XPR1: variants seen among roughly 807,000 people sequenced by gnomAD.
XPR1 encodes solute carrier family 53 member 1.
Under a neutral mutation model 87.5 loss-of-function variants are expected in XPR1, and 28 were observed. That is an observed-to-expected ratio of 0.32 (90% CI 0.24 to 0.44). The LOEUF is 0.44. Ranked by LOEUF, XPR1 falls within the 20% of genes least tolerant of loss-of-function variation. The pLI is 1.00. For synonymous variants in XPR1, 300 were observed against 306.1 expected (o/e 0.98, Z 0.21); for missense variants, 559 against 862.3 (o/e 0.65, Z 4.41).
At chr1:180,755,404 C>A (rs1647693152) in intron 2 of XPR1, among the ~76,000 whole-genome samples, 1 of 152,204 alleles carries the variant, frequency 6.6e-6, no homozygotes, top group Non-Finnish European at 1.5e-5. Flanking sequence ...TAGGTGAACT[C>A]AGGATACTGT....
At chr1:180,728,311 G>GGGAA (rs1557977372) in intron 2 of XPR1, among the ~76,000 whole-genome samples, 16 of 140,468 alleles carry the variant, frequency 1.1e-4, no homozygotes, top group African/African-American at 4.1e-4. Flanking sequence ...GGGGGGGGTA[G>GGGAA]TAATGAAAAC....
chr1:180,681,526 G>A (rs1377705215), intron 1 of XPR1, among the ~76,000 whole-genome samples: 1 of 152,124 alleles, frequency 6.6e-6, no homozygotes, highest in African/African-American at 2.4e-5. Flanking sequence ...GGCGCCTGTA[G>A]TCCCAGCTAC....
At chr1:180,853,811 G>GTTTTTTTTTTTTTTTTTTTTT (rs1651950359) in intron 11 of XPR1, among the ~76,000 whole-genome samples, 1 of 45,880 alleles carries the variant, frequency 2.2e-5, no homozygotes. Flanking sequence ...TTTTTTTTTT[G>GTTTTTTTTTTTTTTTTTTTTT]TATTTTGTTG....
At chr1:180,764,098 A>G (rs1234986459) in intron 2 of XPR1, among the ~76,000 whole-genome samples, 3 of 152,222 alleles carry the variant, frequency 2.0e-5, no homozygotes, top group African/African-American at 7.2e-5. Flanking sequence ...ATTATAGTGT[A>G]TAAATTCAAA....
At chr1:180,784,985 T>C (rs1649079673) in intron 2 of XPR1, among the ~76,000 whole-genome samples, 1 of 121,440 alleles carries the variant, frequency 8.2e-6, no homozygotes, top group South Asian at 2.7e-4. Context: ...TTTTTTCGCC[T>C]GTTAGTTTTT....
At chr1:180,863,559 T>G in intron 11 of XPR1, 149 bp from the exon 12 acceptor site, 1 of 562,532 alleles carries the variant, frequency 1.8e-6, no homozygotes, top group Non-Finnish European at 2.8e-6. Context: ...TATTTAACCT[T>G]TGTTAGACAG....
At chr1:180,702,357 C>T (rs576305192) in intron 2 of XPR1, among the ~76,000 whole-genome samples, 1 of 143,692 alleles carries the variant, frequency 7.0e-6, no homozygotes, top group Non-Finnish European at 1.5e-5. Context: ...TTACTTCCAA[C>T]TATGTGGTCA....
intron 2 of XPR1, among the ~76,000 whole-genome samples, chr1:180,764,898 G>C (rs990265967): frequency 6.7e-6 from 1 of 148,906 alleles, no homozygotes; most frequent in African/African-American, 2.5e-5. Flanking sequence ...CCATTCTCCT[G>C]CCTCAGCCTC....
Position 180,798,725 on chromosome 1 carries a change from T to C in XPR1, c.224-4663T>C, listed in dbSNP as rs980842517. 9.2e-5 allele frequency among the ~76,000 whole-genome samples: 14 copies of C among 152,188 alleles called. 1 individual carries two copies. The highest frequency in any genetic ancestry group is 3.4e-4 in the African/African-American group (14 of 41,442). On this transcript the variant is annotated intron_variant, in intron 3 of 14. Transcript: ENST00000367590. ...ACCTCCTGAGTTCAAGTGAATCTCA[T>C]GCCTCAGCCTTCTGAGCACCTGGAA... is the stretch of plus-strand genomic sequence containing the variant.
chr1:180,792,443 A>G lies in XPR1; in HGVS notation c.223+4589A>G, dbSNP rs551308958. ...CTGTTTAACCTTCCTAGGCTTCCAC[A>G]CACTTGCTTATAAAACAAACAGATT... On this transcript the variant is annotated intron_variant, in intron 3 of 14. Transcript: ENST00000367590. 7.9e-5 allele frequency among the ~76,000 whole-genome samples: 12 copies of G among 152,280 alleles called. No homozygotes were observed. In the East Asian group the frequency reaches 2.3e-3, roughly 29 times the overall value.
chr1:180,637,463 G>A (rs6700702), intron 1 of XPR1, among the ~76,000 whole-genome samples: 5,989 of 152,260 alleles, frequency 0.039, 275 homozygotes, highest in African/African-American at 0.11. Context: ...TCTAGTACTA[G>A]CTTTTTGGCA....
At chr1:180,712,993 T>G (rs1356095241) in intron 2 of XPR1, among the ~76,000 whole-genome samples, 2 of 151,402 alleles carry the variant, frequency 1.3e-5, no homozygotes, top group African/African-American at 4.8e-5. Context: ...CTTTGCATTT[T>G]CTTATGTATT....
chr1:180,838,250 T>C (rs1651375596), intron 11 of XPR1, among the ~76,000 whole-genome samples: 1 of 152,172 alleles, frequency 6.6e-6, no homozygotes. Flanking sequence ...TCCTGTTCAT[T>C]AAGTGGAAGT....
chr1:180,853,652 CA>C lies in XPR1; in HGVS notation c.1502-10055del, dbSNP rs1432485252. Among the ~76,000 whole-genome samples the C allele has an allele frequency of 4.6e-5, 7 of 151,704 alleles. 1 individual carries two copies. The South Asian group carries it at 1.5e-3, about 32-fold the overall frequency. The stretch of plus-strand genomic sequence containing the variant: ...ACACACACACACACACACACACACA[CA>C]CACACACACACACACCCTACCTCTT... On this transcript the variant is annotated intron_variant, in intron 11 of 14. Transcript: ENST00000367590.
At chr1:180,643,540 G>A (rs1655022396) in intron 1 of XPR1, among the ~76,000 whole-genome samples, 1 of 152,170 alleles carries the variant, frequency 6.6e-6, no homozygotes, top group Non-Finnish European at 1.5e-5. Context: ...GTCACATTTA[G>A]CAACTCACAT....
intron 9 of XPR1, among the ~76,000 whole-genome samples, chr1:180,829,943 C>T (rs967313057): frequency 1.8e-4 from 28 of 151,774 alleles, no homozygotes; most frequent in African/African-American, 6.8e-4. Context: ...CTGAATTAGC[C>T]AGGTTTTGAG....
In XPR1 at chr1:180,884,775, G is replaced by A. The variant is rs902679308; in HGVS notation, c.*709G>A. On this transcript the variant is annotated 3_prime_UTR_variant, in exon 15 of 15. Coordinates refer to ENST00000367590, the MANE Select transcript of XPR1 (RefSeq NM_004736.4). ...GTAAAAGAAGGCAGGGGAAACTTAC[G>A]TTGGATGACATTTATGAGGGTCAGT... 2.6e-5 allele frequency: 4 copies of A among 152,594 alleles called. No individual in the cohort carries two copies. The highest frequency in any genetic ancestry group is 4.1e-4 in the South Asian group (2 of 4,832). 9.5% of individuals were successfully genotyped at this position (152,594 alleles called of 1,614,324 possible).
At chr1:180,805,911 T>G in intron 4 of XPR1, 151 bp from the exon 5 acceptor site, 1 of 737,074 alleles carries the variant, frequency 1.4e-6, no homozygotes, top group Non-Finnish European at 2.1e-6. Context: ...GAGTCATCCT[T>G]TTAGTAGTAG....
chr1:180,665,212 G>C (rs962520302), intron 1 of XPR1, among the ~76,000 whole-genome samples: 5 of 152,150 alleles, frequency 3.3e-5, no homozygotes, highest in Non-Finnish European at 5.9e-5. Flanking sequence ...AATGCCAGAC[G>C]CTTATAAAAC....
Sources: gnomAD v4.1 joint callset for allele counts (sites outside exome capture counted in the v4.1 genomes callset) on GRCh38, gnomAD v4.1.1 for gene constraint, MANE v1.5 for transcripts, NCBI Gene and HGNC (gene_info 2026-07-23, HGNC 2026-07-21) for gene names.